Variants in PIK3R5 observed in about 807,000 individuals in gnomAD.
The protein encoded by PIK3R5 is phosphoinositide-3-kinase regulatory subunit 5, also known as phosphoinositide 3-kinase regulatory subunit 5.
In PIK3R5, 32 loss-of-function variants were observed where a neutral mutation model predicts 94.9. The ratio of observed to expected loss-of-function variants is 0.34; its 90% CI spans 0.25 to 0.45. The LOEUF is 0.45. Among genes scored for constraint, PIK3R5 ranks in the 20% least tolerant of loss-of-function variants. PIK3R5 has a pLI of 1.00. For synonymous variants in PIK3R5, 443 were observed against 479.4 expected (o/e 0.92, Z 0.99); for missense variants, 853 against 1,144.6 (o/e 0.75, Z 3.68).
In PIK3R5 at chr17:8,896,905, A is replaced by G. The variant is rs544160196; in HGVS notation, c.413-3250T>C. Among the ~76,000 whole-genome samples, 2 of 152,320 alleles carry G rather than the reference A, an allele frequency of 1.3e-5. No homozygotes were observed. Among genetic ancestry groups the G allele is most frequent in the South Asian group, 4.1e-4 (2 of 4,826 alleles). ...GGAAGCAGAGCCCGGCCCCAACGGC[A>G]TTGCAATCTCCAAATGAGACTAGAT... On this transcript the variant is annotated intron_variant, in intron 5 of 18. Transcript: ENST00000447110. The surrounding 1 kb of genome is among the most constrained non-coding windows in gnomAD (Gnocchi z 4.0).
chr17:8,937,361 A>G (rs766439987), intron 1 of PIK3R5, among the ~76,000 whole-genome samples: 1 of 152,222 alleles, frequency 6.6e-6, no homozygotes, highest in Non-Finnish European at 1.5e-5. Context: ...TTCTCACCAT[A>G]ATGTTAGCTG....
In PIK3R5 at chr17:8,946,736, A is replaced by ACTCCTGCCT. The variant is rs568762170; in HGVS notation, c.-14+18851_-14+18859dup. Among the ~76,000 whole-genome samples the ACTCCTGCCT allele has an allele frequency of 4.5e-3, 675 of 150,872 alleles. 8 individuals are homozygous for ACTCCTGCCT. Among genetic ancestry groups the ACTCCTGCCT allele is most frequent in the African/African-American group, 0.016 (640 of 41,018 alleles). On this transcript the variant is annotated intron_variant, in intron 1 of 18. Transcript: ENST00000447110. ...AATGACCACAGCAGCACAGCAGCCC[A>ACTCCTGCCT]CTCCTGCCTCTCCTGCCTCAGGACC...
rs191188751 is a variant in PIK3R5, at chr17:8,941,324, C to T, written c.-14+24272G>A. Among the ~76,000 whole-genome samples, 256 of 152,098 alleles carry T rather than the reference C, an allele frequency of 1.7e-3. 2 individuals are homozygous for T. The highest frequency in any genetic ancestry group is 1.9e-3 in the Non-Finnish European group (129 of 68,014). On this transcript the variant is annotated intron_variant, in intron 1 of 18. Transcript: ENST00000447110. Reference sequence around the variant, plus strand: ...TTCTCTGGATCTGGCCCCCTCCCCACGCAGTGATTCGGGTTGGGGGAAGAA... The same window carrying T: ...TTCTCTGGATCTGGCCCCCTCCCCATGCAGTGATTCGGGTTGGGGGAAGAA...
intron 1 of PIK3R5, among the ~76,000 whole-genome samples, chr17:8,926,417 T>C (rs1025411855): frequency 6.6e-6 from 1 of 152,074 alleles, no homozygotes; most frequent in African/African-American, 2.4e-5. Context: ...AAACTACCCG[T>C]ATTAGTCCAT....
chr17:8,914,466 G>A (rs1475394332), intron 1 of PIK3R5, among the ~76,000 whole-genome samples: 1 of 152,240 alleles, frequency 6.6e-6, no homozygotes, highest in Non-Finnish European at 1.5e-5. Context: ...TGGTGGGCTT[G>A]CTGGGAGGTG....
At chr17:8,961,359 G>A (rs1408960730) in intron 1 of PIK3R5, among the ~76,000 whole-genome samples, 1 of 152,032 alleles carries the variant, frequency 6.6e-6, no homozygotes, top group Non-Finnish European at 1.5e-5. Flanking sequence ...CGCAGGCCGG[G>A]CGCGGTTGCT....
chr17:8,891,123 G>A (rs1383893709), intron 6 of PIK3R5, among the ~76,000 whole-genome samples: 1 of 152,226 alleles, frequency 6.6e-6, no homozygotes, highest in Non-Finnish European at 1.5e-5. Flanking sequence ...GTTCACTGCT[G>A]AGCATTTTTC....
Position 8,887,066 on chromosome 17 carries a change from A to G in PIK3R5, c.1905+30T>C, listed in dbSNP as rs61761069. 5.5e-3 allele frequency: 8,947 copies of G among 1,612,832 alleles called. 421 individuals are homozygous for G. In the African/African-American group the frequency reaches 0.1, roughly 18 times the overall value. ...GAGGCTGGGTGACTGCAGCCAGTGG[A>G]CCCTGTTCCGCAACCACGGGGCCAC... On this transcript the variant is annotated intron_variant, in intron 12 of 18. Coordinates refer to ENST00000447110, the MANE Select transcript of PIK3R5 (RefSeq NM_001142633.3).
At chr17:8,950,294 T>C (rs549199349) in intron 1 of PIK3R5, among the ~76,000 whole-genome samples, 1 of 152,390 alleles carries the variant, frequency 6.6e-6, no homozygotes, top group Non-Finnish European at 1.5e-5. Flanking sequence ...AGCATGATTG[T>C]GGTAAAATAT....
At chr17:8,918,624 A>G (rs1477922621) in intron 1 of PIK3R5, among the ~76,000 whole-genome samples, 1 of 152,242 alleles carries the variant, frequency 6.6e-6, no homozygotes, top group African/African-American at 2.4e-5. Flanking sequence ...GGCAAACACC[A>G]TGGTAATAAT....
Position 8,888,217 on chromosome 17 carries a change from A to T in PIK3R5, c.1570T>A (p.Ser524Thr). Residue 524 changes from serine to threonine, a missense_variant, in exon 10 of 19, where the codon TCC (serine) becomes ACC (threonine). This residue lies in a region of PIK3R5 where 319 missense variants were observed against 339.8 expected (regional missense o/e 0.94). Transcript: ENST00000447110. The surrounding 1 kb of genome is among the most constrained non-coding windows in gnomAD (Gnocchi z 7.8). ...GCCACCTTCCCTGAAATCCGATCGG[A>T]GCCAAAGACCACAACACGTAGCGTG... ...ASTLRVVVFG[S>T]DRISGKVARA... The T allele has an allele frequency of 6.2e-7, 1 of 1,613,274 alleles. No individual in the cohort carries two copies. Among genetic ancestry groups the T allele is most frequent in the Non-Finnish European group, 8.5e-7 (1 of 1,179,928 alleles).
chr17:8,911,537 G>A lies in PIK3R5; in HGVS notation c.-13-30C>T, dbSNP rs755093206. On this transcript the variant is annotated intron_variant, in intron 1 of 18. Transcript: ENST00000447110. The surrounding 1 kb of genome is among the most constrained non-coding windows in gnomAD (Gnocchi z 5.3). ...ATGGGGGACAGACGCCGGTCAGCTTGTCGAGCTCCTTTCCCAGAGAGCACC... is the reference window on the plus strand; with the variant it reads ...ATGGGGGACAGACGCCGGTCAGCTTATCGAGCTCCTTTCCCAGAGAGCACC... 1 of 1,455,786 alleles carries A rather than the reference G, an allele frequency of 6.9e-7. No individual in the cohort carries two copies. The highest frequency in any genetic ancestry group is 1.2e-5 in the South Asian group (1 of 86,384). 90.2% of individuals were successfully genotyped at this position (1,455,786 alleles called of 1,614,324 possible).
rs1376645943 is a variant in PIK3R5, at chr17:8,905,457, A to T, written c.273+212T>A. ...GCAGTTCCAACATGGGAGCCCAGAG[A>T]TGCCAGGCACCATGGCGGCCACATG... is the stretch of plus-strand genomic sequence containing the variant. On this transcript the variant is annotated intron_variant, in intron 4 of 18. Transcript: ENST00000447110. Among the ~76,000 whole-genome samples, 14 of 152,246 alleles carry T rather than the reference A, an allele frequency of 9.2e-5. No homozygotes were observed. In the East Asian group the frequency reaches 2.5e-3, roughly 27 times the overall value.
Position 8,890,631 on chromosome 17 carries a change from G to T in PIK3R5, c.657+107C>A. The T allele has an allele frequency of 1.0e-6, 1 of 978,476 alleles. No individual in the cohort carries two copies. The highest frequency in any genetic ancestry group is 1.5e-6 in the Non-Finnish European group (1 of 672,642). The allele number at this position is 978,476 out of a possible 1,614,324, so 60.6% of individuals were successfully genotyped here. On this transcript the variant is annotated intron_variant, in intron 7 of 18. Transcript: ENST00000447110. The surrounding 1 kb of genome is among the most constrained non-coding windows in gnomAD (Gnocchi z 6.1). The stretch of plus-strand genomic sequence containing the variant: ...CACCACCCTGCCATGTCACCTGGGT[G>T]CAGGAGACTAAGTGTACCCTGGAGA...
intron 1 of PIK3R5, among the ~76,000 whole-genome samples, chr17:8,965,346 G>GC (rs1240916559): frequency 1.3e-5 from 2 of 152,192 alleles, no homozygotes; most frequent in Non-Finnish European, 2.9e-5. Context: ...GAGGTTACCC[G>GC]GATAACGATA....
chr17:8,963,187 C>A (rs2091596442), intron 1 of PIK3R5, among the ~76,000 whole-genome samples: 1 of 152,172 alleles, frequency 6.6e-6, no homozygotes, highest in Non-Finnish European at 1.5e-5. Context: ...AGCTCACCAG[C>A]TGAGGCCAAA....
In PIK3R5 at chr17:8,880,803, G is replaced by A. The variant is rs766446817; in HGVS notation, c.2496-17C>T. 3 of 1,612,842 alleles carry A rather than the reference G, an allele frequency of 1.9e-6. No homozygotes were observed. The highest frequency in any genetic ancestry group is 2.5e-6 in the Non-Finnish European group (3 of 1,179,138). On this transcript the variant is annotated splice_polypyrimidine_tract_variant and intron_variant, in intron 18 of 18. Coordinates refer to ENST00000447110, the MANE Select transcript of PIK3R5 (RefSeq NM_001142633.3). ...ACCTCACATCTGTGCAGCAGGGCAG[G>A]GGCCAGGGATCAGAGCAGGCCCCCA...
At chr17:8,915,149 T>C (rs1185832586) in intron 1 of PIK3R5, among the ~76,000 whole-genome samples, 1 of 152,114 alleles carries the variant, frequency 6.6e-6, no homozygotes, top group Non-Finnish European at 1.5e-5. Context: ...CTTTAAGAGG[T>C]AGGCTAGGCA....
In PIK3R5 at chr17:8,888,327, T is replaced by A; in HGVS notation, c.1460A>T (p.Gln487Leu). 8 of 1,612,392 alleles carry A rather than the reference T, an allele frequency of 5.0e-6. No individual in the cohort carries two copies. The highest frequency in any genetic ancestry group is 6.8e-6 in the Non-Finnish European group (8 of 1,179,624). The part of the protein sequence containing the change: ...RSLPQPKLGT[Q>L]LPSWLLAPAS... ...AGGGGCCAGAAGCCAGCTGGGCAGCTGGGTACCGAGTTTGGGCTGGGGCAG... is the reference window on the plus strand; with the variant it reads ...AGGGGCCAGAAGCCAGCTGGGCAGCAGGGTACCGAGTTTGGGCTGGGGCAG... The change falls in exon 10 of 19, where the codon CAG becomes CTG. Residue 487 changes from glutamine (Q) to leucine (L), a missense_variant. Coordinates refer to ENST00000447110, the MANE Select transcript of PIK3R5 (RefSeq NM_001142633.3). This position sits in a 1 kb window ranked among gnomAD's most constrained non-coding sequence, Gnocchi z 7.8.
Sources: gnomAD v4.1 joint callset for allele counts (sites outside exome capture counted in the v4.1 genomes callset) on GRCh38, gnomAD v4.1.1 for gene constraint, gnomAD v4.1.1 regional missense constraint, Gnocchi (gnomAD v3.1) non-coding constraint, MANE v1.5 for transcripts, NCBI Gene and HGNC (gene_info 2026-07-23, HGNC 2026-07-21) for gene names.